DLGAP2: variants seen among roughly 807,000 people sequenced by gnomAD.
The protein encoded by DLGAP2 is disks large-associated protein 2.
A neutral mutation model predicts 100.3 loss-of-function variants in DLGAP2; 26 were observed. The ratio of observed to expected loss-of-function variants is 0.26; its 90% CI spans 0.19 to 0.36. DLGAP2 has a LOEUF of 0.36. Among genes scored for constraint, DLGAP2 ranks in the 10% least tolerant of loss-of-function variants. DLGAP2 has a pLI of 1.00. For missense variants in DLGAP2, 1,858 were observed against 1,453.2 expected (o/e 1.28, Z -4.53); for synonymous variants, 886 against 630.1 (o/e 1.41, Z -6.08).
At chr8:863,633 A>C (rs1196699279) in intron 1 of DLGAP2, among the ~76,000 whole-genome samples, 1 of 152,128 alleles carries the variant, frequency 6.6e-6, no homozygotes, top group Non-Finnish European at 1.5e-5. Context: ...AATCCTCAGC[A>C]CCGCGGATCA....
chr8:1,651,983 C>T (rs1326600357), intron 8 of DLGAP2, among the ~76,000 whole-genome samples: 2 of 152,186 alleles, frequency 1.3e-5, no homozygotes, highest in Non-Finnish European at 2.9e-5. Flanking sequence ...GCCCCAGGCA[C>T]CTACACAGCT....
chr8:823,902 C>T (rs529120851), intron 1 of DLGAP2, among the ~76,000 whole-genome samples: 6 of 152,282 alleles, frequency 3.9e-5, no homozygotes, highest in African/African-American at 7.2e-5. Flanking sequence ...ACAGTGGCAG[C>T]GCCCGTGACA....
At chr8:1,508,548 C>A (rs1395720816) in intron 4 of DLGAP2, among the ~76,000 whole-genome samples, 14 of 94,194 alleles carry the variant, frequency 1.5e-4, no homozygotes, top group Non-Finnish European at 2.1e-4. Context: ...CGCTGTTGAT[C>A]ATTGCTGCCT....
intron 2 of DLGAP2, among the ~76,000 whole-genome samples, chr8:965,758 T>C (rs1189565794): frequency 1.5e-4 from 19 of 129,366 alleles, no homozygotes; most frequent in South Asian, 2.6e-4. Flanking sequence ...CTCCTGAGTC[T>C]GACCCCTGCG....
chr8:1,436,610 A>G (rs1015835467), intron 3 of DLGAP2, among the ~76,000 whole-genome samples: 10 of 152,186 alleles, frequency 6.6e-5, no homozygotes, highest in African/African-American at 2.2e-4. Flanking sequence ...TTAACTTATT[A>G]TTGAGGAATG....
At chr8:771,077 G>T (rs2065406808) in intron 1 of DLGAP2, among the ~76,000 whole-genome samples, 1 of 152,096 alleles carries the variant, frequency 6.6e-6, no homozygotes, top group Non-Finnish European at 1.5e-5. Flanking sequence ...TCGTGAAGTT[G>T]TGACAGGTCC....
At position 1,676,605 on chromosome 8, in the gene DLGAP2, G is replaced by A. The variant is rs1035062906; in HGVS notation, c.2275G>A (p.Glu759Lys). 1 of 1,612,708 alleles carries A rather than the reference G, an allele frequency of 6.2e-7. No homozygotes were observed. Among genetic ancestry groups the A allele is most frequent in the South Asian group, 1.1e-5 (1 of 90,636 alleles). ...REYHSVGVQVEDEKRHGRFKR... is the reference protein window; with the variant it reads ...REYHSVGVQVKDEKRHGRFKR... ...ATACCACTCTGTCGGGGTGCAAGTG[G>A]AAGATGAGAAGCGGTAACTCAGCCC... The change falls in exon 11 of 15, where the codon GAA becomes AAA. Residue 759 changes from glutamate to lysine, a missense_variant. Glu to Lys is a moderately conservative substitution (Grantham distance 56). Transcript: ENST00000637795.
At chr8:1,379,167 G>A (rs1195964091) in intron 3 of DLGAP2, among the ~76,000 whole-genome samples, 3 of 152,268 alleles carry the variant, frequency 2.0e-5, no homozygotes, top group East Asian at 1.9e-4. Flanking sequence ...ACTGTGGCAC[G>A]TCAGCCTCAC....
intron 7 of DLGAP2, among the ~76,000 whole-genome samples, chr8:1,631,420 C>G (rs1797642488): frequency 6.6e-6 from 1 of 152,098 alleles, no homozygotes; most frequent in South Asian, 2.1e-4. Context: ...AAGACTTTTC[C>G]ATAAAATTCT....
At chr8:1,153,016 T>C (rs1585105791) in intron 2 of DLGAP2, among the ~76,000 whole-genome samples, 1 of 152,344 alleles carries the variant, frequency 6.6e-6, no homozygotes, top group East Asian at 1.9e-4. Flanking sequence ...AAATGAAACT[T>C]ACCTCCTTTA....
chr8:879,039 GC>G (rs1797735807), intron 1 of DLGAP2, among the ~76,000 whole-genome samples: 1 of 152,166 alleles, frequency 6.6e-6, no homozygotes, highest in Non-Finnish European at 1.5e-5. Context: ...ATCCTAATTG[GC>G]CAAAACCAAC....
chr8:1,451,843 C>G (rs1004830502), intron 3 of DLGAP2, among the ~76,000 whole-genome samples: 2 of 152,246 alleles, frequency 1.3e-5, no homozygotes, highest in Admixed American at 6.5e-5. Context: ...TCGCTGCGAT[C>G]ATCACTAATG....
chr8:1,507,948 A>G (rs1310761478), intron 4 of DLGAP2, among the ~76,000 whole-genome samples: 3 of 151,094 alleles, frequency 2.0e-5, no homozygotes, highest in African/African-American at 7.4e-5. Flanking sequence ...CTCCTTCCCC[A>G]CTGTGACATC....
At chr8:1,526,142 G>T (rs1036251319) in intron 4 of DLGAP2, among the ~76,000 whole-genome samples, 1 of 151,096 alleles carries the variant, frequency 6.6e-6, no homozygotes, top group East Asian at 2.0e-4. Flanking sequence ...GCGCTTCTCA[G>T]TTCCCATGGT....
At chr8:1,060,281 G>A (rs1250610957) in intron 2 of DLGAP2, among the ~76,000 whole-genome samples, 2 of 151,978 alleles carry the variant, frequency 1.3e-5, no homozygotes, top group Admixed American at 6.6e-5. Context: ...GTGAGTGCTT[G>A]TGGATAGATC....
At chr8:1,686,217 G>A (rs576999626) in intron 12 of DLGAP2, among the ~76,000 whole-genome samples, 45 of 152,310 alleles carry the variant, frequency 3.0e-4, no homozygotes, top group African/African-American at 1.1e-3. Context: ...TGGTAAGAAA[G>A]TAATGTGTGT....
intron 2 of DLGAP2, among the ~76,000 whole-genome samples, chr8:1,051,604 A>G (rs949337699): frequency 6.6e-6 from 1 of 152,248 alleles, no homozygotes; most frequent in Non-Finnish European, 1.5e-5. Context: ...ATGTAATTTT[A>G]TCTAATAGAG....
At chr8:1,205,283 A>C (rs1797965821) in intron 2 of DLGAP2, among the ~76,000 whole-genome samples, 1 of 152,228 alleles carries the variant, frequency 6.6e-6, no homozygotes, top group South Asian at 2.1e-4. Context: ...AGGTGTGTCC[A>C]ACCAGGAGGG....
intron 1 of DLGAP2, among the ~76,000 whole-genome samples, chr8:836,170 A>AC (rs1796871711): frequency 6.6e-6 from 1 of 152,218 alleles, no homozygotes; most frequent in Admixed American, 6.5e-5. Context: ...AGTGTCAGGA[A>AC]AAGCTGGAGA....
Sources: allele counts gnomAD v4.1 joint callset (sites outside exome capture counted in the v4.1 genomes callset), GRCh38; gene constraint gnomAD v4.1.1; transcripts MANE v1.5; gene names NCBI Gene and HGNC (gene_info 2026-07-23, HGNC 2026-07-21).